Variants in NXF1 observed in about 807,000 individuals in gnomAD.
The protein encoded by NXF1 is mRNA export factor TAP.
A neutral mutation model predicts 92.4 loss-of-function variants in NXF1; 43 were observed. The observed-to-expected ratio is 0.47, with a 90% CI of 0.36 to 0.60. NXF1 has a LOEUF of 0.60. Among genes scored for constraint, NXF1 ranks in the 20% least tolerant of loss-of-function variants. NXF1 has a pLI of 0.00. For missense variants in NXF1, 576 were observed against 793.0 expected (o/e 0.73, Z 3.29); for synonymous variants, 288 against 292.2 (o/e 0.99, Z 0.15).
rs765626592 is a variant in NXF1, at chr11:62,801,525, T to G, written c.709+37A>C. 8 of 1,611,400 alleles carry G rather than the reference T, an allele frequency of 5.0e-6. No individual in the cohort carries two copies. In the South Asian group the frequency reaches 8.8e-5, roughly 18 times the overall value. On this transcript the variant is annotated intron_variant, in intron 7 of 20. Transcript: ENST00000294172. Reference sequence around the variant, plus strand: ...TCCCTCCCTGACAGATCCCACCTTATCACCACCTATCTGAGAACTACTGCT... The same window carrying G: ...TCCCTCCCTGACAGATCCCACCTTAGCACCACCTATCTGAGAACTACTGCT...
At chr11:62,798,436 T>C in intron 11 of NXF1, 103 bp downstream of exon 11, 1 of 1,176,324 alleles carries the variant, frequency 8.5e-7, no homozygotes. Flanking sequence ...CCGTCTCAAA[T>C]AAAAAAAAAA....
Position 62,798,419 on chromosome 11 carries a change from TG to T in NXF1, c.1053+119del. 2.1e-6 allele frequency: 3 copies of T among 1,412,312 alleles called. No individual in the cohort carries two copies. In the East Asian group the frequency reaches 7.5e-5, roughly 35 times the overall value. 87.5% of individuals were successfully genotyped at this position (1,412,312 alleles called of 1,614,324 possible). The stretch of plus-strand genomic sequence containing the variant: ...GTTGCACTCCAGCCTGGGCGACGAG[TG>T]AAACTCCGTCTCAAATAAAAAAAAA... On this transcript the variant is annotated intron_variant, in intron 11 of 20. Coordinates refer to ENST00000294172, the MANE Select transcript of NXF1 (RefSeq NM_006362.5).
Position 62,796,185 on chromosome 11 carries a change from T to C in NXF1, c.1346-4A>G, listed in dbSNP as rs1020028155. ...TTCAGCAGCCGGAACCGCAAGGCTG[T>C]GGGTAGAGGAGAAAGCTCAGTGGTG... On this transcript the variant is annotated splice_region_variant and splice_polypyrimidine_tract_variant and intron_variant, in intron 15 of 20. Transcript: ENST00000294172. 4 of 1,613,946 alleles carry C rather than the reference T, an allele frequency of 2.5e-6. No homozygotes were observed. In the African/African-American group the frequency reaches 4.0e-5, roughly 16 times the overall value.
At chr11:62,794,907 T>C in intron 18 of NXF1, 28 bp downstream of exon 18, 1 of 1,606,020 alleles carries the variant, frequency 6.2e-7, no homozygotes, top group South Asian at 1.1e-5. Context: ...TTAGGACTGG[T>C]ATCCAATGCG....
At chr11:62,799,044 G>A in intron 10 of NXF1, 1 of 995,454 alleles carries the variant, frequency 1.0e-6, no homozygotes, top group Non-Finnish European at 1.2e-6. Context: ...TGAGCAGGTG[G>A]GGCTCAGGAA....
Position 62,803,773 on chromosome 11 carries a change from A to C in NXF1, c.215+19T>G. The C allele has an allele frequency of 6.2e-7, 1 of 1,609,314 alleles. No homozygotes were observed. Among genetic ancestry groups the C allele is most frequent in the Non-Finnish European group, 8.5e-7 (1 of 1,176,858 alleles). ...TCTCATGAGCCACTAAATTCAAACC[A>C]GACCAACTGGTCACTCACTATCGTA... On this transcript the variant is annotated intron_variant, in intron 2 of 20. Transcript: ENST00000294172.
At chr11:62,798,462 A>T in intron 11 of NXF1, 77 bp downstream of exon 11, 1 of 1,557,494 alleles carries the variant, frequency 6.4e-7, no homozygotes, top group Non-Finnish European at 8.6e-7. Context: ...AAAAAGAAAA[A>T]GAAAAAGAAA....
In NXF1 at chr11:62,801,389, GACA is replaced by G. The variant is rs2084476995; in HGVS notation, c.735_737del (p.Val246del). On this transcript the variant is annotated inframe_deletion, in exon 8 of 21. Transcript: ENST00000294172. ...CTGCCATACAGCTTCTGCGATTCAG[GACA>G]ACGTCAATGTTCTGGGCCACCAAAT... The G allele has an allele frequency of 6.2e-7, 1 of 1,613,996 alleles. No homozygotes were observed. Among genetic ancestry groups the G allele is most frequent in the Non-Finnish European group, 8.5e-7 (1 of 1,180,012 alleles).
intron 3 of NXF1, among the ~76,000 whole-genome samples, chr11:62,802,963 G>A (rs1268794053): frequency 6.6e-6 from 1 of 152,118 alleles, no homozygotes; most frequent in East Asian, 1.9e-4. Context: ...GCTCTAAGGT[G>A]TTGGAAGATA....
At chr11:62,792,603 G>T (rs1185353244) in intron 20 of NXF1, 38 bp downstream of exon 20, 2 of 1,613,824 alleles carry the variant, frequency 1.2e-6, no homozygotes, top group Non-Finnish European at 1.7e-6. Flanking sequence ...GAGGCCCAGA[G>T]ATCCTAGTCT....
chr11:62,796,192 A>G lies in NXF1; in HGVS notation c.1346-11T>C. 6.2e-7 allele frequency: 1 copy of G among 1,614,004 alleles called. No individual in the cohort carries two copies. Among genetic ancestry groups the G allele is most frequent in the Middle Eastern group, 1.6e-4 (1 of 6,062 alleles). The stretch of plus-strand genomic sequence containing the variant: ...GCCGGAACCGCAAGGCTGTGGGTAG[A>G]GGAGAAAGCTCAGTGGTGCTGCCAC... On this transcript the variant is annotated splice_polypyrimidine_tract_variant and intron_variant, in intron 15 of 20. Coordinates refer to ENST00000294172, the MANE Select transcript of NXF1 (RefSeq NM_006362.5).
At chr11:62,804,028 T>C (rs771929912) in intron 1 of NXF1, 50 bp from the exon 2 acceptor site, 1 of 1,602,590 alleles carries the variant, frequency 6.2e-7, no homozygotes, top group African/African-American at 1.3e-5. Context: ...CTGGTCCGGT[T>C]TGGTGTGGCA....
At chr11:62,793,435 G>A (rs897734288) in intron 19 of NXF1, among the ~76,000 whole-genome samples, 8 of 152,150 alleles carry the variant, frequency 5.3e-5, no homozygotes, top group Non-Finnish European at 7.4e-5. Flanking sequence ...CAGGAGCCCA[G>A]GCACAGTAAC....
At chr11:62,801,304 C>G (rs779477225) in intron 8 of NXF1, 25 bp downstream of exon 8, 1 of 1,612,326 alleles carries the variant, frequency 6.2e-7, no homozygotes, top group Non-Finnish European at 8.5e-7. Context: ...CTTCCTCATG[C>G]CTAATACTGG....
At chr11:62,792,594 A>C in intron 20 of NXF1, 47 bp downstream of exon 20, 1 of 1,613,780 alleles carries the variant, frequency 6.2e-7, no homozygotes, top group Non-Finnish European at 8.5e-7. Flanking sequence ...GACCTCCTGG[A>C]GGCCCAGAGA....
chr11:62,800,763 C>T (rs895237647), intron 9 of NXF1, among the ~76,000 whole-genome samples: 8 of 151,806 alleles, frequency 5.3e-5, no homozygotes, highest in Admixed American at 3.9e-4. Context: ...ACATCATGCT[C>T]GACTAATTTA....
Position 62,792,439 on chromosome 11 carries a change from A to G in NXF1, c.*37T>C, listed in dbSNP as rs769876008. 11 of 1,613,136 alleles carry G rather than the reference A, an allele frequency of 6.8e-6. No homozygotes were observed. The highest frequency in any genetic ancestry group is 5.5e-5 in the South Asian group (5 of 91,072). On this transcript the variant is annotated 3_prime_UTR_variant, in exon 21 of 21. Transcript: ENST00000294172. ...AACCAGACGGTAATATCCAAGGACT[A>G]TTTACAGGGGGGACTGCTTCTGAGG...
chr11:62,805,436 GAAGT>G lies in NXF1; in HGVS notation c.-84_-81del. 1 of 1,591,106 alleles carries G rather than the reference GAAGT, an allele frequency of 6.3e-7. No homozygotes were observed. The highest frequency in any genetic ancestry group is 2.3e-5 in the East Asian group (1 of 43,646). On this transcript the variant is annotated 5_prime_UTR_variant, in exon 1 of 21. Coordinates refer to ENST00000294172, the MANE Select transcript of NXF1 (RefSeq NM_006362.5). Reference sequence around the variant, plus strand: ...ACCTAACTCCCAAGCGCTCAGGACCGAAGTGTCCCTACGCCGGGCGCCACCGCAT... The same window carrying G: ...ACCTAACTCCCAAGCGCTCAGGACCGGTCCCTACGCCGGGCGCCACCGCAT...
chr11:62,794,172 A>C, intron 19 of NXF1, 86 bp downstream of exon 19: 2 of 1,372,564 alleles, frequency 1.5e-6, no homozygotes, highest in Non-Finnish European at 2.0e-6. Context: ...CTCCAAAAAA[A>C]AAACAAAAAA....
Sources: gnomAD v4.1 joint callset for allele counts (sites outside exome capture counted in the v4.1 genomes callset) on GRCh38, gnomAD v4.1.1 for gene constraint, MANE v1.5 for transcripts, NCBI Gene and HGNC (gene_info 2026-07-23, HGNC 2026-07-21) for gene names.